Variants in DPP10 observed in about 807,000 individuals in gnomAD.
The protein encoded by DPP10 is inactive dipeptidyl peptidase 10.
A neutral mutation model predicts 120.9 loss-of-function variants in DPP10; 33 were observed. The observed-to-expected ratio is 0.27, with a 90% CI of 0.21 to 0.37. DPP10 has a LOEUF of 0.37. Ranked by LOEUF, DPP10 falls within the 10% of genes least tolerant of loss-of-function variation. The probability of loss-of-function intolerance (pLI) is 1.00; values close to 1 mark genes in which losing one functional copy is unlikely to be tolerated. For missense variants in DPP10, 816 were observed against 942.8 expected (o/e 0.87, Z 1.76); for synonymous variants, 337 against 326.1 (o/e 1.03, Z -0.36).
chr2:114,756,204 C>A (rs191845976), intron 1 of DPP10, among the ~76,000 whole-genome samples: 1 of 152,158 alleles, frequency 6.6e-6, no homozygotes, highest in East Asian at 1.9e-4. Flanking sequence ...AATCATAGTT[C>A]AAACTGGAAG....
At chr2:115,161,770 G>T (rs1317209204) in intron 1 of DPP10, 2 of 499,586 alleles carry the variant, frequency 4.0e-6, no homozygotes, top group Non-Finnish European at 6.6e-6. Context: ...CCGAGGGAGG[G>T]ACCCTACGAC....
intron 1 of DPP10, among the ~76,000 whole-genome samples, chr2:114,947,054 G>A (rs11123262): frequency 0.99 from 150,113 of 152,228 alleles, 74,043 homozygotes; most frequent in Non-Finnish European, 1. Context: ...TCATCTAAAC[G>A]TTCAAACGTA....
intron 1 of DPP10, among the ~76,000 whole-genome samples, chr2:114,573,562 A>G (rs1447616756): frequency 6.6e-6 from 1 of 152,206 alleles, no homozygotes; most frequent in African/African-American, 2.4e-5. Context: ...AGCAGAAGAT[A>G]ATCCAAAAGC....
At chr2:114,483,773 C>T (rs1163108739) in intron 1 of DPP10, among the ~76,000 whole-genome samples, 1 of 152,136 alleles carries the variant, frequency 6.6e-6, no homozygotes, top group Non-Finnish European at 1.5e-5. Flanking sequence ...TTAACCAGCA[C>T]ATGCTGTATA....
At chr2:115,434,764 A>G (rs925828301) in intron 3 of DPP10, among the ~76,000 whole-genome samples, 12 of 151,688 alleles carry the variant, frequency 7.9e-5, no homozygotes, top group Admixed American at 2.6e-4. Context: ...TATACTGTCA[A>G]TCACTAGAAC....
intron 5 of DPP10, among the ~76,000 whole-genome samples, chr2:115,640,592 T>C (rs937504897): frequency 1.3e-5 from 2 of 152,170 alleles, no homozygotes; most frequent in African/African-American, 4.8e-5. Context: ...GGCAAAGTTA[T>C]TTAATGGTTT....
In DPP10 at chr2:115,585,096, G is replaced by A. The variant is rs144849850; in HGVS notation, c.441+59124G>A. ...TTATTACAGGGTAACTATTATGTGGGCCTGTATGTGACAGAAATTGGTAGT... is the reference window on the plus strand; with the variant it reads ...TTATTACAGGGTAACTATTATGTGGACCTGTATGTGACAGAAATTGGTAGT... On this transcript the variant is annotated intron_variant, in intron 5 of 25. Transcript: ENST00000410059. 1.3e-3 allele frequency among the ~76,000 whole-genome samples: 198 copies of A among 152,266 alleles called. 3 individuals carry two copies. The East Asian group carries it at 0.022, about 17-fold the overall frequency.
At chr2:114,978,286 T>C (rs1161915439) in intron 1 of DPP10, among the ~76,000 whole-genome samples, 1 of 152,204 alleles carries the variant, frequency 6.6e-6, no homozygotes, top group Non-Finnish European at 1.5e-5. Context: ...TATTCTATTA[T>C]ATTTTAAGTA....
At chr2:114,717,365 T>G (rs556888826) in intron 1 of DPP10, among the ~76,000 whole-genome samples, 1 of 152,308 alleles carries the variant, frequency 6.6e-6, no homozygotes, top group Admixed American at 6.5e-5. Flanking sequence ...CAAAAGCATT[T>G]TGCTGCTATA....
intron 1 of DPP10, among the ~76,000 whole-genome samples, chr2:114,760,231 T>C (rs983455273): frequency 6.6e-6 from 1 of 152,146 alleles, no homozygotes; most frequent in African/African-American, 2.4e-5. Context: ...CATTGGCTGC[T>C]AATAGTCCCC....
At position 114,489,565 on chromosome 2, in the gene DPP10, C is replaced by A. The variant is rs548619171; in HGVS notation, c.60+46727C>A. Among the ~76,000 whole-genome samples the A allele has an allele frequency of 4.6e-5, 7 of 152,330 alleles. No homozygotes were observed. The South Asian group carries it at 1.5e-3, about 32-fold the overall frequency. ...ATGGCAGATAACCCCTATTCATGAGCCTTTGTCCCATTGCGACAATCAGTG... is the reference window on the plus strand; with the variant it reads ...ATGGCAGATAACCCCTATTCATGAGACTTTGTCCCATTGCGACAATCAGTG... On this transcript the variant is annotated intron_variant, in intron 1 of 25. Coordinates refer to ENST00000410059, the MANE Select transcript of DPP10 (RefSeq NM_020868.6).
chr2:115,686,990 A>T (rs558088976), intron 5 of DPP10, among the ~76,000 whole-genome samples: 3 of 152,170 alleles, frequency 2.0e-5, no homozygotes, highest in African/African-American at 4.8e-5. Context: ...CCCTCTCGTC[A>T]TGAAATAAGA....
In DPP10 at chr2:115,066,697, G is replaced by A. The variant is rs921671947; in HGVS notation, c.61-242542G>A. 3.3e-5 allele frequency: 5 copies of A among 152,054 alleles called. No individual in the cohort carries two copies. The South Asian group carries it at 6.2e-4, about 19-fold the overall frequency. 9.4% of individuals were successfully genotyped at this position (152,054 alleles called of 1,614,324 possible). ...AACCTGATGCTCAGTACTGTATTAG[G>A]CATTAAAAGGATGAAGATGACTAAG... On this transcript the variant is annotated intron_variant, in intron 1 of 25. Transcript: ENST00000410059.
At chr2:115,369,954 G>T (rs967654171) in intron 3 of DPP10, among the ~76,000 whole-genome samples, 1 of 151,796 alleles carries the variant, frequency 6.6e-6, no homozygotes, top group Non-Finnish European at 1.5e-5. Context: ...AAATGTGTTA[G>T]ATCAGTTTTC....
At chr2:114,861,713 T>C (rs1689819382) in intron 1 of DPP10, among the ~76,000 whole-genome samples, 3 of 152,278 alleles carry the variant, frequency 2.0e-5, no homozygotes, top group East Asian at 3.9e-4. Context: ...GTTCATTCTA[T>C]AGGTTTGCAA....
intron 3 of DPP10, among the ~76,000 whole-genome samples, chr2:115,364,080 A>G (rs950192151): frequency 2.6e-5 from 4 of 151,324 alleles, no homozygotes; most frequent in African/African-American, 9.7e-5. Context: ...GGATTAAAAT[A>G]TTTCATGGAA....
intron 13 of DPP10, among the ~76,000 whole-genome samples, chr2:115,776,596 A>G (rs573731797): frequency 1.4e-3 from 217 of 152,300 alleles, no homozygotes; most frequent in African/African-American, 5.0e-3. Flanking sequence ...GTTAAGGAAT[A>G]GAATGATAGT....
rs189151010 is a variant in DPP10 at position 115,317,830 on chromosome 2, T to C, written c.175+8477T>C. Among the ~76,000 whole-genome samples the C allele has an allele frequency of 5.4e-3, 829 of 152,236 alleles. 4 individuals are homozygous for C. Among genetic ancestry groups the C allele is most frequent in the South Asian group, 8.7e-3 (42 of 4,828 alleles). On this transcript the variant is annotated intron_variant, in intron 2 of 25. Coordinates refer to ENST00000410059, the MANE Select transcript of DPP10 (RefSeq NM_020868.6). ...TTAAGGGACTTGCTGGTTTTACTGA[T>C]AGTGAGTTGTAGGAGTTCTTTATTC...
intron 19 of DPP10, among the ~76,000 whole-genome samples, chr2:115,814,308 T>C (rs1686986993): frequency 6.6e-6 from 1 of 151,946 alleles, no homozygotes; most frequent in Non-Finnish European, 1.5e-5. Context: ...GTTTTTTTTT[T>C]AAGTTTAACA....
Sources: allele counts gnomAD v4.1 joint callset (sites outside exome capture counted in the v4.1 genomes callset), GRCh38; gene constraint gnomAD v4.1.1; transcripts MANE v1.5; gene names NCBI Gene and HGNC (gene_info 2026-07-23, HGNC 2026-07-21).